DIAPH3: variants seen among roughly 807,000 people sequenced by gnomAD.
DIAPH3 encodes the protein diaphanous related formin 3.
Under a neutral mutation model 144.3 loss-of-function variants are expected in DIAPH3, and 117 were observed. The observed-to-expected ratio is 0.81, with a 90% CI of 0.70 to 0.95. The LOEUF (loss-of-function observed/expected upper bound fraction) is 0.95. Ranked by LOEUF, DIAPH3 falls within the 40% of genes least tolerant of loss-of-function variation. The pLI, the probability that DIAPH3 is intolerant of heterozygous loss-of-function variation, is 0.00. For synonymous variants in DIAPH3, 519 were observed against 488.9 expected (o/e 1.06, Z -0.81); for missense variants, 1,421 against 1,412.7 (o/e 1.01, Z -0.09).
At position 59,858,471 on chromosome 13, in the gene DIAPH3, G is replaced by A. The variant is rs964085344; in HGVS notation, c.2737+2936C>T. ...AATGAGTTACAGACTGAACTAGCAC[G>A]GTATTTCTAGAATTAAGAGTTGACT... On this transcript the variant is annotated intron_variant, in intron 22 of 27. Coordinates refer to ENST00000400324, the MANE Select transcript of DIAPH3 (RefSeq NM_001042517.2). Among the ~76,000 whole-genome samples, 5 of 151,962 alleles carry A rather than the reference G, an allele frequency of 3.3e-5. 1 individual carries two copies. The highest frequency in any genetic ancestry group is 2.0e-4 in the Admixed American group (3 of 15,246).
chr13:59,928,072 T>A (rs1033698825), intron 17 of DIAPH3, among the ~76,000 whole-genome samples: 77 of 152,242 alleles, frequency 5.1e-4, no homozygotes, highest in African/African-American at 1.7e-3. Flanking sequence ...TTTTTAAATC[T>A]TTTTCTCTAT....
intron 20 of DIAPH3, among the ~76,000 whole-genome samples, chr13:59,909,499 T>C (rs940064538): frequency 6.6e-6 from 1 of 152,150 alleles, no homozygotes; most frequent in African/African-American, 2.4e-5. Flanking sequence ...ACATTACTAT[T>C]TGACAAAAAA....
intron 1 of DIAPH3, among the ~76,000 whole-genome samples, chr13:60,134,927 T>G (rs1594754111): frequency 6.6e-6 from 1 of 152,014 alleles, no homozygotes; most frequent in East Asian, 1.9e-4. Flanking sequence ...TTTTAAAAAG[T>G]AAGAGTAAAA....
At chr13:59,961,869 T>TA (rs1320592167) in intron 17 of DIAPH3, among the ~76,000 whole-genome samples, 6 of 152,170 alleles carry the variant, frequency 3.9e-5, no homozygotes, top group Admixed American at 2.6e-4. Flanking sequence ...ATTTGACTAG[T>TA]AAAAAATACA....
intron 27 of DIAPH3, among the ~76,000 whole-genome samples, chr13:59,728,749 T>A (rs1239397224): frequency 6.6e-6 from 1 of 152,172 alleles, no homozygotes; most frequent in Admixed American, 6.5e-5. Context: ...TATTTAACTT[T>A]TACCAACACA....
At chr13:60,062,061 T>C (rs193167186) in intron 4 of DIAPH3, among the ~76,000 whole-genome samples, 1 of 152,274 alleles carries the variant, frequency 6.6e-6, no homozygotes, top group African/African-American at 2.4e-5. Context: ...CTTAGGTTTA[T>C]TTCCCCTATT....
At chr13:60,000,210 G>A (rs1224451839) in intron 9 of DIAPH3, among the ~76,000 whole-genome samples, 1 of 151,912 alleles carries the variant, frequency 6.6e-6, no homozygotes, top group East Asian at 1.9e-4. Flanking sequence ...ATATTCTAGG[G>A]TAGAGAAATA....
intron 5 of DIAPH3, among the ~76,000 whole-genome samples, chr13:60,017,650 T>G (rs928888954): frequency 6.6e-6 from 1 of 152,354 alleles, no homozygotes; most frequent in Middle Eastern, 3.4e-3. Context: ...TGAGGATTTC[T>G]GATTTTACAA....
At chr13:59,707,024 GTTA>G (rs1206985886) in intron 27 of DIAPH3, among the ~76,000 whole-genome samples, 3 of 152,142 alleles carry the variant, frequency 2.0e-5, no homozygotes, top group African/African-American at 7.2e-5. Flanking sequence ...ATTATTAGCA[GTTA>G]TTGTGGCAAT....
In DIAPH3 at chr13:59,666,672, T is replaced by C; in HGVS notation, c.3494A>G (p.Lys1165Arg). Residue 1165 changes from lysine to arginine, a missense_variant, in exon 28 of 28, where the codon AAA becomes AGA. Lys to Arg is a conservative substitution (Grantham distance 26). Transcript: ENST00000400324. ...AGAGCCAAGAAGTTCCGTTTCCTTTTTTCTGTTGCTTTCTACATTACACGC... is the reference window on the plus strand; with the variant it reads ...AGAGCCAAGAAGTTCCGTTTCCTTTCTTCTGTTGCTTTCTACATTACACGC... The part of the protein sequence containing the change: ...KEACNVESNR[K>R]KETELLGSFS... 1.2e-6 allele frequency: 2 copies of C among 1,614,162 alleles called. No individual in the cohort carries two copies. Among genetic ancestry groups the C allele is most frequent in the Non-Finnish European group, 1.7e-6 (2 of 1,180,020 alleles).
At chr13:60,048,294 T>C (rs1001060788) in intron 4 of DIAPH3, among the ~76,000 whole-genome samples, 4 of 152,192 alleles carry the variant, frequency 2.6e-5, no homozygotes, top group African/African-American at 9.6e-5. Flanking sequence ...TCAGGACCCA[T>C]GGAAGACTGC....
chr13:59,749,977 T>C (rs893309625), intron 27 of DIAPH3, among the ~76,000 whole-genome samples: 1 of 152,204 alleles, frequency 6.6e-6, no homozygotes, highest in East Asian at 1.9e-4. Context: ...CATGGAGTTC[T>C]TTCAAGGAAA....
At chr13:59,723,192 T>G (rs2138921515) in intron 27 of DIAPH3, among the ~76,000 whole-genome samples, 1 of 152,322 alleles carries the variant, frequency 6.6e-6, no homozygotes, top group East Asian at 1.9e-4. Context: ...GTTTAAAATA[T>G]TCACTTGAGC....
At chr13:59,693,913 A>G (rs1345397018) in intron 27 of DIAPH3, among the ~76,000 whole-genome samples, 1 of 152,172 alleles carries the variant, frequency 6.6e-6, no homozygotes, top group Non-Finnish European at 1.5e-5. Flanking sequence ...TGACATGTTT[A>G]GTATACAACC....
At chr13:59,964,468 CA>C (rs1362310978) in intron 17 of DIAPH3, among the ~76,000 whole-genome samples, 1 of 151,956 alleles carries the variant, frequency 6.6e-6, no homozygotes, top group African/African-American at 2.4e-5. Context: ...TCAAAACAGA[CA>C]TGTTTTTTGT....
chr13:59,854,097 G>C (rs1348522015), intron 22 of DIAPH3, among the ~76,000 whole-genome samples: 1 of 152,118 alleles, frequency 6.6e-6, no homozygotes, highest in Non-Finnish European at 1.5e-5. Context: ...TCCATAAGCA[G>C]AGGTGAGGAC....
At chr13:59,980,580 A>C (rs2140681633) in intron 14 of DIAPH3, among the ~76,000 whole-genome samples, 1 of 151,756 alleles carries the variant, frequency 6.6e-6, no homozygotes, top group Admixed American at 6.6e-5. Flanking sequence ...AATACATTCA[A>C]AGAAAAATAA....
chr13:60,145,407 G>A (rs981704554), intron 1 of DIAPH3, among the ~76,000 whole-genome samples: 3 of 152,194 alleles, frequency 2.0e-5, no homozygotes, highest in Non-Finnish European at 4.4e-5. Context: ...ATCCCAGCAG[G>A]GAGGCTGAGG....
chr13:59,927,749 T>C (rs1328176504), intron 17 of DIAPH3, among the ~76,000 whole-genome samples: 1 of 152,202 alleles, frequency 6.6e-6, no homozygotes, highest in African/African-American at 2.4e-5. Flanking sequence ...AAAAAATTGA[T>C]GTTGGTCTGA....
Sources: gnomAD v4.1 joint callset for allele counts (sites outside exome capture counted in the v4.1 genomes callset) on GRCh38, gnomAD v4.1.1 for gene constraint, MANE v1.5 for transcripts, NCBI Gene and HGNC (gene_info 2026-07-23, HGNC 2026-07-21) for gene names.